TMEM164: variants seen among roughly 807,000 people sequenced by gnomAD.
The protein encoded by TMEM164 is transmembrane protein 164.
Under a neutral mutation model 18.8 loss-of-function variants are expected in TMEM164, and 4 were observed. That is an observed-to-expected ratio of 0.21 (90% CI 0.10 to 0.49). The LOEUF (loss-of-function observed/expected upper bound fraction) is 0.49, where lower values mean the gene tolerates loss of function less well. Ranked by LOEUF, TMEM164 falls within the 20% of genes least tolerant of loss-of-function variation. TMEM164 has a pLI of 0.98. For synonymous variants in TMEM164, 86 were observed against 101.7 expected (o/e 0.85, Z 0.93); for missense variants, 108 against 239.9 (o/e 0.45, Z 3.63).
chrX:110,065,003 A>T (rs1362228683), intron 2 of TMEM164: 1 of 103,939 alleles, frequency 9.6e-6, no homozygotes, highest in African/African-American at 3.4e-5. Context: ...TCAAAAAAAA[A>T]AAAAAAAAAA....
chrX:110,017,319 G>A (rs1569295147), intron 2 of TMEM164, among the ~76,000 whole-genome samples: 1 of 112,184 alleles, frequency 8.9e-6, no homozygotes, highest in Non-Finnish European at 1.9e-5. Flanking sequence ...CTCACTATTA[G>A]AGAAATGGAA....
chrX:110,116,822 TTGTGTGTGTGTGTGTGTGTGTG>T (rs560695330), intron 4 of TMEM164, among the ~76,000 whole-genome samples: 1 of 97,017 alleles, frequency 1.0e-5, no homozygotes, highest in Non-Finnish European at 2.1e-5. Context: ...GGCCACTCCC[TTGTGTGTGTGTGTGTGTGTGTG>T]TGTGTGTGCG....
chrX:110,014,856 A>G (rs1388119888), intron 2 of TMEM164, among the ~76,000 whole-genome samples: 2 of 106,753 alleles, frequency 1.9e-5, no homozygotes, highest in Non-Finnish European at 3.8e-5. Flanking sequence ...TGGAAGAGAA[A>G]GGGCCACCCC....
intron 5 of TMEM164, among the ~76,000 whole-genome samples, chrX:110,164,049 G>A (rs776749767): frequency 2.7e-5 from 3 of 112,405 alleles, no homozygotes; most frequent in East Asian, 5.6e-4. Context: ...GCCTAGGAGC[G>A]TGACAGAGTG....
chrX:110,037,703 G>T (rs993314303), intron 2 of TMEM164, among the ~76,000 whole-genome samples: 1 of 111,666 alleles, frequency 9.0e-6, no homozygotes, highest in Non-Finnish European at 1.9e-5. Flanking sequence ...AAACAATCTG[G>T]GAGCCCATTC....
intron 3 of TMEM164, among the ~76,000 whole-genome samples, chrX:110,092,065 C>T (rs369276053): frequency 1.7e-4 from 19 of 111,528 alleles, no homozygotes; most frequent in Non-Finnish European, 3.4e-4. Flanking sequence ...TCCATTGGTC[C>T]ATATCTCTGT....
intron 2 of TMEM164, among the ~76,000 whole-genome samples, chrX:110,064,038 T>C (rs945093100): frequency 9.0e-5 from 10 of 111,381 alleles, no homozygotes; most frequent in Non-Finnish European, 1.7e-4. Context: ...CAGAACCTTT[T>C]CCCCTCAGTT....
At position 110,175,801 on chromosome X, in the gene TMEM164, A is replaced by G. The variant is rs1403793298; in HGVS notation, c.*2350A>G. 1.3e-6 allele frequency: 1 copy of G among 753,907 alleles called. No individual in the cohort carries two copies. Among genetic ancestry groups the G allele is most frequent in the African/African-American group, 2.3e-5 (1 of 43,393 alleles). The allele number at this position is 753,907 out of a possible 1,213,427, so 62.1% of individuals were successfully genotyped here. The stretch of plus-strand genomic sequence containing the variant: ...GCCTGTATTTGGGGCATTGGGGAGC[A>G]TAAGGCATCTGAACTGGTCCAGATC... On this transcript the variant is annotated 3_prime_UTR_variant, in exon 7 of 7. Transcript: ENST00000372068.
intron 3 of TMEM164, among the ~76,000 whole-genome samples, chrX:110,092,140 C>A (rs2065940321): frequency 8.9e-6 from 1 of 111,984 alleles, no homozygotes; most frequent in Admixed American, 9.5e-5. Flanking sequence ...AGTCAGATAG[C>A]ATGATGCCTC....
intron 4 of TMEM164, among the ~76,000 whole-genome samples, chrX:110,119,979 A>G (rs183686333): frequency 8.0e-5 from 9 of 112,194 alleles, no homozygotes; most frequent in Admixed American, 5.7e-4. Flanking sequence ...ACATTGACCA[A>G]CACTGCCTTT....
intron 2 of TMEM164, among the ~76,000 whole-genome samples, chrX:110,030,108 G>GTTT (rs34803907): frequency 1.0e-3 from 27 of 26,990 alleles, no homozygotes; most frequent in Non-Finnish European, 1.4e-3. Context: ...TTCTCTGTCT[G>GTTT]TTTTTTTTTT....
chrX:110,141,271 G>T (rs1363784842), intron 4 of TMEM164, among the ~76,000 whole-genome samples: 2 of 112,109 alleles, frequency 1.8e-5, no homozygotes, highest in Non-Finnish European at 3.8e-5. Context: ...TTTCCTGTAT[G>T]TCAGATGCGC....
intron 2 of TMEM164, chrX:110,064,996 A>C (rs1242919400): frequency 5.0e-5 from 1 of 19,936 alleles, no homozygotes; most frequent in Non-Finnish European, 2.8e-4. Context: ...GACTTTCTCA[A>C]AAAAAAAAAA....
chrX:110,022,199 A>ATGTGTGTG (rs754713777), intron 2 of TMEM164, among the ~76,000 whole-genome samples: 2 of 107,592 alleles, frequency 1.9e-5, no homozygotes, highest in African/African-American at 6.8e-5. Context: ...ACCACTAGAA[A>ATGTGTGTG]TGTGTGTGTG....
At chrX:110,046,186 G>T (rs1170170603) in intron 2 of TMEM164, 1 of 753,212 alleles carries the variant, frequency 1.3e-6, no homozygotes, top group Non-Finnish European at 1.6e-6. Context: ...CAAGCTCAGT[G>T]CTGACGTTAT....
intron 3 of TMEM164, among the ~76,000 whole-genome samples, chrX:110,107,545 C>T (rs2066222496): frequency 9.0e-6 from 1 of 111,516 alleles, no homozygotes; most frequent in African/African-American, 3.3e-5. Flanking sequence ...AAGAAACAGC[C>T]TAGGGGAAGT....
chrX:110,098,576 T>A (rs2066057099), intron 3 of TMEM164, among the ~76,000 whole-genome samples: 1 of 111,791 alleles, frequency 8.9e-6, no homozygotes, highest in Non-Finnish European at 1.9e-5. Flanking sequence ...ACCAACAGTG[T>A]ATGAAAATTC....
At position 110,090,751 on chromosome X, in the gene TMEM164, C is replaced by T. The variant is rs1274430959; in HGVS notation, c.441-18329C>T. Among the ~76,000 whole-genome samples the T allele has an allele frequency of 2.7e-5, 3 of 111,287 alleles. No homozygotes were observed. In the East Asian group the frequency reaches 8.4e-4, roughly 31 times the overall value. On this transcript the variant is annotated intron_variant, in intron 3 of 6. Transcript: ENST00000372068. ...TACTTTAAGTTCTAGGGTACATGTG[C>T]ACAACATGCAGGTTTGTTACATATG...
intron 4 of TMEM164, among the ~76,000 whole-genome samples, chrX:110,129,686 CA>C (rs1408459236): frequency 2.7e-5 from 3 of 112,282 alleles, no homozygotes; most frequent in Non-Finnish European, 5.6e-5. Flanking sequence ...TCTTGTTTTC[CA>C]ACACTTTTAT....
Sources: allele counts gnomAD v4.1 joint callset (sites outside exome capture counted in the v4.1 genomes callset), GRCh38; gene constraint gnomAD v4.1.1; transcripts MANE v1.5; gene names NCBI Gene and HGNC (gene_info 2026-07-23, HGNC 2026-07-21).